The following TTC28 variants were observed in gnomAD, a reference collection of about 807,000 sequenced individuals.
TTC28 encodes tetratricopeptide repeat protein 28.
A neutral mutation model predicts 198.0 loss-of-function variants in TTC28; 61 were observed. The observed-to-expected ratio is 0.31, with a 90% confidence interval of 0.25 to 0.38. TTC28 has a LOEUF of 0.38. Among genes scored for constraint, TTC28 ranks in the 10% least tolerant of loss-of-function variants. The pLI is 1.00. For synonymous variants in TTC28, 1,171 were observed against 1,297.8 expected (o/e 0.90, Z 2.10); for missense variants, 2,678 against 3,164.0 (o/e 0.85, Z 3.69).
chr22:28,270,031 G>C (rs1394332035), intron 5 of TTC28, among the ~76,000 whole-genome samples: 1 of 152,180 alleles, frequency 6.6e-6, no homozygotes, highest in Non-Finnish European at 1.5e-5. Flanking sequence ...TATTTGAAGA[G>C]ACTTATCCTG....
intron 2 of TTC28, among the ~76,000 whole-genome samples, chr22:28,547,601 C>T (rs2049572896): frequency 1.3e-5 from 2 of 152,044 alleles, no homozygotes; most frequent in African/African-American, 4.8e-5. Context: ...CAATTTTATA[C>T]TGCAATCAAA....
intron 12 of TTC28, among the ~76,000 whole-genome samples, chr22:28,079,734 C>G (rs1941277609): frequency 6.6e-6 from 1 of 152,066 alleles, no homozygotes. Context: ...TTTCTTCTTC[C>G]TTTTCTTCCC....
chr22:28,302,237 T>C (rs1333685944), intron 3 of TTC28, among the ~76,000 whole-genome samples: 1 of 151,956 alleles, frequency 6.6e-6, no homozygotes, highest in East Asian at 1.9e-4. Flanking sequence ...GAACTGCAGA[T>C]AGTTTTAGTT....
intron 13 of TTC28, among the ~76,000 whole-genome samples, chr22:28,022,763 A>C (rs1268944438): frequency 3.3e-5 from 5 of 152,270 alleles, no homozygotes; most frequent in Admixed American, 3.3e-4. Context: ...TTAAGACGTC[A>C]ATGGAAAAAT....
chr22:28,559,973 A>G (rs566555905), intron 2 of TTC28, among the ~76,000 whole-genome samples: 9 of 152,154 alleles, frequency 5.9e-5, no homozygotes, highest in East Asian at 5.8e-4. Context: ...GTCTTCTCCA[A>G]TTGGATGTCT....
chr22:28,012,360 A>G (rs543120389), intron 14 of TTC28, among the ~76,000 whole-genome samples: 23 of 152,214 alleles, frequency 1.5e-4, no homozygotes, highest in Non-Finnish European at 1.5e-4. Flanking sequence ...TGTGCATGCA[A>G]GGATGTGATC....
chr22:28,162,823 G>A (rs1435140473), intron 6 of TTC28, among the ~76,000 whole-genome samples: 1 of 152,126 alleles, frequency 6.6e-6, no homozygotes, highest in Admixed American at 6.5e-5. Flanking sequence ...ACTGGCGTGT[G>A]CCTGTCGTCC....
At chr22:28,387,749 T>C (rs2146048919) in intron 2 of TTC28, among the ~76,000 whole-genome samples, 2 of 152,340 alleles carry the variant, frequency 1.3e-5, no homozygotes, top group African/African-American at 4.8e-5. Flanking sequence ...TATTAGCCCT[T>C]TGTCAGATGA....
At chr22:28,449,467 T>A (rs1276911641) in intron 2 of TTC28, among the ~76,000 whole-genome samples, 1 of 152,234 alleles carries the variant, frequency 6.6e-6, no homozygotes, top group Non-Finnish European at 1.5e-5. Flanking sequence ...TCAAATAACA[T>A]CTTCCTAACA....
At chr22:28,027,851 T>C (rs1938897304) in intron 13 of TTC28, among the ~76,000 whole-genome samples, 1 of 152,230 alleles carries the variant, frequency 6.6e-6, no homozygotes, top group Non-Finnish European at 1.5e-5. Context: ...TTGGCACCTG[T>C]TCATGGGCAG....
chr22:28,543,116 CT>C (rs1446593452), intron 2 of TTC28, among the ~76,000 whole-genome samples: 10 of 152,172 alleles, frequency 6.6e-5, no homozygotes, highest in African/African-American at 2.2e-4. Context: ...GTGAGGACTG[CT>C]TGAGTCCACG....
At chr22:28,474,105 C>T (rs557767064) in intron 2 of TTC28, among the ~76,000 whole-genome samples, 262 of 152,312 alleles carry the variant, frequency 1.7e-3, no homozygotes, top group African/African-American at 6.0e-3. Context: ...TAGATCTTCT[C>T]TCTTCCAAAA....
intron 12 of TTC28, among the ~76,000 whole-genome samples, chr22:28,072,187 G>T (rs141919084): frequency 2.0e-5 from 3 of 152,204 alleles, no homozygotes; most frequent in Non-Finnish European, 2.9e-5. Flanking sequence ...GTCATGCTTT[G>T]TCATGTAGAT....
chr22:28,495,290 A>G (rs1003951800), intron 2 of TTC28, among the ~76,000 whole-genome samples: 3 of 152,192 alleles, frequency 2.0e-5, no homozygotes, highest in Admixed American at 1.3e-4. Context: ...ACATTTCAGA[A>G]CACTGAAGAC....
intron 5 of TTC28, among the ~76,000 whole-genome samples, chr22:28,261,461 C>T (rs967161063): frequency 6.6e-6 from 1 of 152,104 alleles, no homozygotes; most frequent in Non-Finnish European, 1.5e-5. Flanking sequence ...TCCGAAAGGT[C>T]TTGTAAGGCC....
intron 2 of TTC28, among the ~76,000 whole-genome samples, chr22:28,505,981 C>G (rs940889480): frequency 6.6e-6 from 1 of 152,240 alleles, no homozygotes; most frequent in African/African-American, 2.4e-5. Context: ...ACAAACAGTC[C>G]GAACAAGGAA....
intron 14 of TTC28, among the ~76,000 whole-genome samples, chr22:28,009,561 T>C (rs954921421): frequency 6.6e-6 from 1 of 152,202 alleles, no homozygotes; most frequent in Non-Finnish European, 1.5e-5. Flanking sequence ...AGCAGGAGAA[T>C]GATCCAGGCC....
At chr22:28,641,366 T>C (rs1022204040) in intron 1 of TTC28, among the ~76,000 whole-genome samples, 5 of 151,766 alleles carry the variant, frequency 3.3e-5, no homozygotes, top group African/African-American at 1.2e-4. Context: ...CATTACAACA[T>C]GGATGAACCT....
intron 1 of TTC28, among the ~76,000 whole-genome samples, chr22:28,669,992 T>C (rs2051852775): frequency 6.6e-6 from 1 of 151,600 alleles, no homozygotes; most frequent in Non-Finnish European, 1.5e-5. Flanking sequence ...ATACACAGAA[T>C]ACAACTCTAT....
Sources: allele counts gnomAD v4.1 joint callset (sites outside exome capture counted in the v4.1 genomes callset), GRCh38; gene constraint gnomAD v4.1.1; transcripts MANE v1.5; gene names NCBI Gene and HGNC (gene_info 2026-07-23, HGNC 2026-07-21).